The following TESMIN variants were observed in gnomAD, a reference collection of about 807,000 sequenced individuals.
The protein encoded by TESMIN is testis expressed metallothionein like protein, also known as CXC domain containing 2.
Under a neutral mutation model 47.4 loss-of-function variants are expected in TESMIN, and 34 were observed. That is an observed-to-expected ratio of 0.72 (90% CI 0.55 to 0.96). The LOEUF (loss-of-function observed/expected upper bound fraction) is 0.96, where lower values mean the gene tolerates loss of function less well. Ranked by LOEUF, TESMIN falls within the 40% of genes least tolerant of loss-of-function variation. The pLI, the probability that TESMIN is intolerant of heterozygous loss-of-function variation, is 0.00. For synonymous variants in TESMIN, 278 were observed against 258.9 expected, an observed-to-expected ratio of 1.07 and a Z score of -0.71; for missense variants, 610 against 637.2, an observed-to-expected ratio of 0.96 and a Z score of 0.46.
Position 68,745,021 on chromosome 11 carries a change from A to G in TESMIN, c.721T>C (p.Tyr241His), listed in dbSNP as rs773117507. The G allele has an allele frequency of 1.9e-6, 3 of 1,584,062 alleles. No homozygotes were observed. Among genetic ancestry groups the G allele is most frequent in the Admixed American group, 1.9e-5 (1 of 51,398 alleles). Reference sequence around the variant, plus strand: ...TGTAGATAATTATTTTGATCTTGATACTGAGGAACCAAATGGAGTGCTTTT... The same window carrying G: ...TGTAGATAATTATTTTGATCTTGATGCTGAGGAACCAAATGGAGTGCTTTT... The part of the protein sequence containing the change: ...ELKALHLVPQ[Y>H]QDQNNYLQSD... Residue 241 changes from tyrosine to histidine, a missense_variant, in exon 4 of 10, where the codon TAT becomes CAT. Transcript: ENST00000255087.
intron 5 of TESMIN, among the ~76,000 whole-genome samples, chr11:68,741,319 C>G (rs1455623763): frequency 6.6e-6 from 1 of 152,200 alleles, no homozygotes; most frequent in African/African-American, 2.4e-5. Context: ...CAAGGCCCGC[C>G]TGGGATGTTC....
intron 7 of TESMIN, among the ~76,000 whole-genome samples, chr11:68,714,975 G>A (rs181628829): frequency 3.9e-5 from 6 of 152,292 alleles, no homozygotes; most frequent in African/African-American, 1.4e-4. Flanking sequence ...TTACATGCGT[G>A]ACAATTTTCT....
At position 68,734,155 on chromosome 11, in the gene TESMIN, G is replaced by A. The variant is rs1250167001; in HGVS notation, c.917+4545C>T. Among the ~76,000 whole-genome samples the A allele has an allele frequency of 6.6e-5, 10 of 152,302 alleles. No homozygotes were observed. The South Asian group carries it at 1.9e-3, about 28-fold the overall frequency. On this transcript the variant is annotated intron_variant, in intron 6 of 9. Transcript: ENST00000255087. ...ATATACCAGTGCTAAAGCAGTCCACGCTGTAATATTACTAACAATATCAAA... is the reference window on the plus strand; with the variant it reads ...ATATACCAGTGCTAAAGCAGTCCACACTGTAATATTACTAACAATATCAAA...
chr11:68,749,567 T>C (rs1017440043), intron 2 of TESMIN, among the ~76,000 whole-genome samples: 9 of 152,234 alleles, frequency 5.9e-5, no homozygotes, highest in African/African-American at 2.2e-4. Flanking sequence ...TCAGCGGTCA[T>C]CTACAGCTAG....
In TESMIN at chr11:68,750,393, C is replaced by T. The variant is rs1946577914; in HGVS notation, c.268G>A (p.Gly90Ser). The T allele has an allele frequency of 1.3e-6, 2 of 1,514,854 alleles. No homozygotes were observed. Among genetic ancestry groups the T allele is most frequent in the African/African-American group, 1.4e-5 (1 of 71,212 alleles). 93.8% of individuals were successfully genotyped at this position (1,514,854 alleles called of 1,614,324 possible). A position where few individuals can be genotyped will look rare whatever the true frequency, so the allele number is the denominator to read the frequency against. ...GGGTACTCCCCGAGGAGCTCCCCGC[C>T]GTCGCTGTCGCCCCCCGCGAGCTTC... is the stretch of plus-strand genomic sequence containing the variant. ...KAKLAGGDSD[G>S]GELLGEYPGI... Residue 90 changes from glycine to serine, a missense_variant, in exon 2 of 10, where the codon GGC (glycine) becomes AGC (serine). By Grantham distance (56) the Gly-to-Ser change is moderately conservative. Transcript: ENST00000255087.
In TESMIN at chr11:68,744,974, A is replaced by G; in HGVS notation, c.751+17T>C. On this transcript the variant is annotated intron_variant, in intron 4 of 9. Transcript: ENST00000255087. ...TTACATATATGACATAGTTTTTTTT[A>G]TTAATTAACTTTGTACCTGACTGTA... 6.6e-7 allele frequency: 1 copy of G among 1,523,190 alleles called. No homozygotes were observed. The highest frequency in any genetic ancestry group is 8.8e-7 in the Non-Finnish European group (1 of 1,136,956). The allele number at this position is 1,523,190 out of a possible 1,614,324, so 94.4% of individuals were successfully genotyped here.
intron 6 of TESMIN, among the ~76,000 whole-genome samples, chr11:68,723,834 CAT>C (rs1162354649): frequency 2.0e-5 from 3 of 151,900 alleles, no homozygotes; most frequent in African/African-American, 7.3e-5. Flanking sequence ...CAAGAAAAAA[CAT>C]AAAAAAGAAA....
chr11:68,750,742 G>GGGCC, intron 1 of TESMIN, 43 bp from the exon 2 acceptor site: 2 of 936,038 alleles, frequency 2.1e-6, no homozygotes, highest in Non-Finnish European at 2.8e-6. Context: ...AGGAGAGGAC[G>GGGCC]AGGGGAGGGG....
intron 6 of TESMIN, among the ~76,000 whole-genome samples, chr11:68,720,266 AT>A (rs1222844309): frequency 6.6e-6 from 1 of 152,152 alleles, no homozygotes; most frequent in African/African-American, 2.4e-5. Context: ...TCTTTTGAAG[AT>A]TTTAAAATCT....
rs114704565 is a variant in TESMIN, at chr11:68,707,699, G to A, written c.*609C>T. ...ACATGCTGGTGCAAGCCTGGCCTGC[G>A]AGGCCCCATTGCCTGCGTCTCCCGG... On this transcript the variant is annotated 3_prime_UTR_variant, in exon 10 of 10. Transcript: ENST00000255087. 2.4e-3 allele frequency: 969 copies of A among 396,162 alleles called. 8 individuals carry two copies. Among genetic ancestry groups the A allele is most frequent in the African/African-American group, 0.017 (799 of 48,220 alleles). 24.5% of individuals were successfully genotyped at this position (396,162 alleles called of 1,614,324 possible).
chr11:68,705,815 G>A (rs1288977147), downstream of TESMIN, among the ~76,000 whole-genome samples: 1 of 152,090 alleles, frequency 6.6e-6, no homozygotes, highest in Non-Finnish European at 1.5e-5. Context: ...CTGAGATCAG[G>A]AGTTCAAGAC....
rs181478032 is a variant in TESMIN, at chr11:68,736,141, A to G, written c.917+2559T>C. 8 of 985,374 alleles carry G rather than the reference A, an allele frequency of 8.1e-6. No homozygotes were observed. In the African/African-American group the frequency reaches 1.2e-4, roughly 15 times the overall value. 61.0% of individuals were successfully genotyped at this position (985,374 alleles called of 1,614,324 possible). ...AATTTCCAGAGAAGCGGACTCTTGA[A>G]TATTCTTTATTATGATGTTCATTAT... On this transcript the variant is annotated intron_variant, in intron 6 of 9. Coordinates refer to ENST00000255087, the MANE Select transcript of TESMIN (RefSeq NM_004923.3).
intron 3 of TESMIN, among the ~76,000 whole-genome samples, chr11:68,746,202 G>C (rs1028708209): frequency 6.6e-6 from 1 of 150,868 alleles, no homozygotes; most frequent in Non-Finnish European, 1.5e-5. Flanking sequence ...CACAGGAAAG[G>C]CTCAGAGTGA....
chr11:68,737,959 A>C (rs1946407830), intron 6 of TESMIN: 2 of 986,168 alleles, frequency 2.0e-6, no homozygotes. Flanking sequence ...AAAAACAAAC[A>C]AACAAACAAA....
rs779941846 is a variant in TESMIN, at chr11:68,713,262, G to A, written c.1158+8C>T. The A allele has an allele frequency of 1.2e-6, 2 of 1,612,586 alleles. No individual in the cohort carries two copies. Among genetic ancestry groups the A allele is most frequent in the Non-Finnish European group, 8.5e-7 (1 of 1,179,104 alleles). ...TTTTGTTAGTGAGTTAGGGAGCTGG[G>A]CACTAACCTCATAGCACTCGCAGTA... On this transcript the variant is annotated splice_region_variant and intron_variant, in intron 8 of 9. Transcript: ENST00000255087.
At chr11:68,745,778 A>G (rs10791994) in intron 3 of TESMIN, among the ~76,000 whole-genome samples, 107,026 of 152,076 alleles carry the variant, frequency 0.7, 38,243 homozygotes, top group East Asian at 0.86. Flanking sequence ...GATACTGACC[A>G]TAAATAAATG....
At chr11:68,706,022 C>CAAAA (rs11306603), downstream of TESMIN, among the ~76,000 whole-genome samples, 33 of 84,412 alleles carry the variant, frequency 3.9e-4, no homozygotes, top group South Asian at 4.2e-4. Context: ...GACTCCGTCT[C>CAAAA]AAAAAAAAAA....
chr11:68,724,577 A>T (rs1375120818), intron 6 of TESMIN, among the ~76,000 whole-genome samples: 1 of 152,174 alleles, frequency 6.6e-6, no homozygotes, highest in African/African-American at 2.4e-5. Context: ...AGTGGAAGTG[A>T]TTATGACAAT....
intron 2 of TESMIN, among the ~76,000 whole-genome samples, chr11:68,748,535 C>A (rs1054860751): frequency 5.3e-5 from 8 of 152,204 alleles, no homozygotes; most frequent in Non-Finnish European, 5.9e-5. Flanking sequence ...CAACTAATAT[C>A]TGAACTACTT....
Sources: allele counts gnomAD v4.1 joint callset (sites outside exome capture counted in the v4.1 genomes callset), GRCh38; gene constraint gnomAD v4.1.1; transcripts MANE v1.5; gene names NCBI Gene and HGNC (gene_info 2026-07-23, HGNC 2026-07-21).